The following KCNMA1 variants were observed in gnomAD, a reference collection of about 807,000 sequenced individuals.
KCNMA1 encodes Calcium-activated potassium channel subunit alpha-1.
KCNMA1 carries 29 observed loss-of-function variants against 140.0 expected under a neutral mutation model. The ratio of observed to expected loss-of-function variants is 0.21; its 90% CI spans 0.15 to 0.28. The LOEUF (loss-of-function observed/expected upper bound fraction) is 0.28, where lower values mean the gene tolerates loss of function less well. Ranked by LOEUF, KCNMA1 falls within the 10% of genes least tolerant of loss-of-function variation. KCNMA1 has a pLI of 1.00. For synonymous variants in KCNMA1, 612 were observed against 611.9 expected (o/e 1.00, Z 0.00); for missense variants, 880 against 1,602.2 (o/e 0.55, Z 7.70).
intron 1 of KCNMA1, among the ~76,000 whole-genome samples, chr10:77,455,831 C>A (rs697172): frequency 6.6e-6 from 1 of 152,120 alleles, no homozygotes; most frequent in African/African-American, 2.4e-5. Context: ...AGCTGGCCAG[C>A]CCATTCATTT....
intron 19 of KCNMA1, among the ~76,000 whole-genome samples, chr10:76,983,328 T>C (rs1411989532): frequency 6.6e-6 from 1 of 152,172 alleles, no homozygotes; most frequent in Non-Finnish European, 1.5e-5. Flanking sequence ...TTGCAGCCCT[T>C]AGCGCAGTAT....
chr10:77,049,410 A>C (rs1041223184), intron 14 of KCNMA1, among the ~76,000 whole-genome samples: 1 of 152,212 alleles, frequency 6.6e-6, no homozygotes, highest in Admixed American at 6.5e-5. Context: ...AGTACCTGGT[A>C]CTTAGTAAGT....
chr10:77,263,287 C>T (rs1201813212), intron 2 of KCNMA1, among the ~76,000 whole-genome samples: 1 of 152,200 alleles, frequency 6.6e-6, no homozygotes, highest in African/African-American at 2.4e-5. Context: ...TTCCCTTGCA[C>T]TGCACTCTAG....
intron 1 of KCNMA1, among the ~76,000 whole-genome samples, chr10:77,473,417 A>G (rs1329342281): frequency 1.3e-5 from 2 of 152,234 alleles, no homozygotes; most frequent in Non-Finnish European, 1.5e-5. Flanking sequence ...GAAGAGCTTT[A>G]GCCCTGTCTT....
intron 1 of KCNMA1, among the ~76,000 whole-genome samples, chr10:77,495,524 C>T (rs1427044495): frequency 6.6e-6 from 1 of 152,246 alleles, no homozygotes; most frequent in African/African-American, 2.4e-5. Context: ...CCAACAGAAA[C>T]ATCGGCCAAT....
intron 5 of KCNMA1, among the ~76,000 whole-genome samples, chr10:77,138,199 T>C (rs1416495201): frequency 3.9e-5 from 6 of 152,156 alleles, no homozygotes; most frequent in African/African-American, 7.2e-5. Context: ...AGCCAGTAAG[T>C]AGAGAAACAC....
At chr10:76,937,910 C>T (rs549183426) in intron 23 of KCNMA1, among the ~76,000 whole-genome samples, 11 of 149,722 alleles carry the variant, frequency 7.3e-5, no homozygotes, top group African/African-American at 1.5e-4. Flanking sequence ...TGTGTGTGTG[C>T]GTATGTGTGT....
intron 2 of KCNMA1, among the ~76,000 whole-genome samples, chr10:77,390,758 T>G (rs2095793118): frequency 6.6e-6 from 1 of 152,118 alleles, no homozygotes; most frequent in South Asian, 2.1e-4. Context: ...CCTGGGCAAG[T>G]CGGGGCTCAG....
intron 2 of KCNMA1, among the ~76,000 whole-genome samples, chr10:77,296,259 A>G (rs2075076849): frequency 6.6e-6 from 1 of 152,094 alleles, no homozygotes; most frequent in African/African-American, 2.4e-5. Context: ...CAAAAGTAAG[A>G]AGTGATGTGA....
chr10:77,460,092 C>T (rs1306342776), intron 1 of KCNMA1, among the ~76,000 whole-genome samples: 1 of 152,188 alleles, frequency 6.6e-6, no homozygotes, highest in African/African-American at 2.4e-5. Flanking sequence ...AATGGATGTT[C>T]CAATAAAACT....
At chr10:76,956,146 C>T (rs2153009556) in intron 20 of KCNMA1, among the ~76,000 whole-genome samples, 1 of 152,302 alleles carries the variant, frequency 6.6e-6, no homozygotes, top group Admixed American at 6.5e-5. Flanking sequence ...ATACTTGATT[C>T]TTTCTGGGAA....
At chr10:77,268,297 T>C (rs1450970682) in intron 2 of KCNMA1, among the ~76,000 whole-genome samples, 1 of 152,156 alleles carries the variant, frequency 6.6e-6, no homozygotes, top group Non-Finnish European at 1.5e-5. Context: ...AAAACCTCCA[T>C]AGTTCTGTGC....
intron 4 of KCNMA1, among the ~76,000 whole-genome samples, chr10:77,184,348 T>C (rs1294092717): frequency 6.6e-6 from 1 of 152,072 alleles, no homozygotes; most frequent in African/African-American, 2.4e-5. Context: ...GCCTCCTGAG[T>C]AGCTGGGATT....
chr10:77,507,665 C>A (rs2046643260), intron 1 of KCNMA1, among the ~76,000 whole-genome samples: 2 of 152,164 alleles, frequency 1.3e-5, no homozygotes, highest in African/African-American at 2.4e-5. Flanking sequence ...CTGAAGGGAC[C>A]AGACTGCCTT....
intron 1 of KCNMA1, among the ~76,000 whole-genome samples, chr10:77,619,234 A>G (rs1040247102): frequency 6.6e-6 from 1 of 152,080 alleles, no homozygotes; most frequent in Admixed American, 6.6e-5. Context: ...ATCTATGTCA[A>G]CTGGGGTTGG....
chr10:77,206,773 T>A (rs1243621272), intron 3 of KCNMA1, among the ~76,000 whole-genome samples: 1 of 73,394 alleles, frequency 1.4e-5, no homozygotes, highest in East Asian at 4.5e-4. Flanking sequence ...AGTAAATAAA[T>A]AAATGGAGAG....
intron 1 of KCNMA1, among the ~76,000 whole-genome samples, chr10:77,522,141 C>T (rs2053609905): frequency 6.6e-6 from 1 of 150,964 alleles, no homozygotes; most frequent in African/African-American, 2.4e-5. Flanking sequence ...TGTCACTGCA[C>T]TACTCCAGCC....
rs1264463807 is a variant in KCNMA1, at chr10:77,074,107, G to A, written c.1594-855C>T. ...TTACAAGGCTTTCATGTCAAGTACA[G>A]CATTTAGGCTAAAAAAAATCAACTA... On this transcript the variant is annotated intron_variant, in intron 13 of 27. Transcript: ENST00000286628. Among the ~76,000 whole-genome samples, 3 of 152,180 alleles carry A rather than the reference G, an allele frequency of 2.0e-5. No individual in the cohort carries two copies. The East Asian group carries it at 5.8e-4, about 29-fold the overall frequency.
At chr10:76,918,071 A>G (rs1194779665) in intron 23 of KCNMA1, among the ~76,000 whole-genome samples, 1 of 152,120 alleles carries the variant, frequency 6.6e-6, no homozygotes, top group Non-Finnish European at 1.5e-5. Context: ...TCTCCTTCCC[A>G]TTATTGCTTG....
Sources: gnomAD v4.1 joint callset for allele counts (sites outside exome capture counted in the v4.1 genomes callset) on GRCh38, gnomAD v4.1.1 for gene constraint, MANE v1.5 for transcripts, NCBI Gene and HGNC (gene_info 2026-07-23, HGNC 2026-07-21) for gene names.